Variants in GEMIN2 observed in about 807,000 individuals in gnomAD.
The protein encoded by GEMIN2 is gem-associated protein 2.
GEMIN2 carries 37 observed loss-of-function variants against 45.8 expected under a neutral mutation model. The observed-to-expected ratio is 0.81, with a 90% CI of 0.62 to 1.06. The LOEUF (loss-of-function observed/expected upper bound fraction) is 1.06. GEMIN2 is among the 50% of genes least tolerant of loss of function. GEMIN2 has a pLI of 0.00. For synonymous variants in GEMIN2, 101 were observed against 111.5 expected (o/e 0.91, Z 0.60); for missense variants, 335 against 321.8 (o/e 1.04, Z -0.31).
chr14:39,130,860 A>T (rs2052706530), intron 7 of GEMIN2, among the ~76,000 whole-genome samples: 1 of 151,626 alleles, frequency 6.6e-6, no homozygotes, highest in Non-Finnish European at 1.5e-5. Context: ...GCACCACTGC[A>T]CTCCAGCCTG....
At chr14:39,127,365 CAG>C (rs2052658093) in intron 6 of GEMIN2, among the ~76,000 whole-genome samples, 1 of 87,446 alleles carries the variant, frequency 1.1e-5, no homozygotes, top group Non-Finnish European at 2.1e-5. Context: ...TTTTTTGAGA[CAG>C]AGTCTCACTC....
chr14:39,122,835 G>A, intron 5 of GEMIN2: 1 of 232,868 alleles, frequency 4.3e-6, no homozygotes, highest in Non-Finnish European at 8.2e-6. Flanking sequence ...AAACAGCTTA[G>A]TTTCTGAAAC....
At chr14:39,130,014 C>T (rs981302868) in intron 7 of GEMIN2, among the ~76,000 whole-genome samples, 2 of 142,126 alleles carry the variant, frequency 1.4e-5, no homozygotes, top group Non-Finnish European at 3.0e-5. Flanking sequence ...CATCTCGGCT[C>T]ACTGCAACCT....
In GEMIN2 at chr14:39,128,265, TC is replaced by T; in HGVS notation, c.532-14del. On this transcript the variant is annotated splice_polypyrimidine_tract_variant and intron_variant, in intron 6 of 9. Transcript: ENST00000308317. ...ATTAATACAACTCTTCTCCACCCCC[TC>T]TTTTTTTTTTTAGGCAACAGTAACT... 4 of 1,407,356 alleles carry T rather than the reference TC, an allele frequency of 2.8e-6. No homozygotes were observed. Among genetic ancestry groups the T allele is most frequent in the Non-Finnish European group, 4.0e-6 (4 of 1,011,290 alleles). 87.2% of individuals were successfully genotyped at this position (1,407,356 alleles called of 1,614,324 possible).
At position 39,125,011 on chromosome 14, in the gene GEMIN2, T is replaced by A. The variant is rs766189096; in HGVS notation, c.506T>A (p.Leu169His). 6.8e-7 allele frequency: 1 copy of A among 1,473,036 alleles called. No homozygotes were observed. The highest frequency in any genetic ancestry group is 9.5e-7 in the Non-Finnish European group (1 of 1,053,494). The allele number at this position is 1,473,036 out of a possible 1,614,324, so 91.2% of individuals were successfully genotyped here. The change falls in exon 6 of 10, where the codon CTT (leucine) becomes CAT (histidine). Residue 169 changes from leucine (L) to histidine (H), a missense_variant. Physicochemically the swap from Leu to His is moderately conservative, Grantham distance 99. Coordinates refer to ENST00000308317, the MANE Select transcript of GEMIN2 (RefSeq NM_003616.3). Reference protein sequence around the residue: ...DYVQIGFPPLLSIVSRMNQAT... With the variant: ...DYVQIGFPPLHSIVSRMNQAT... ...TTTCAGATTGGTTTTCCTCCCTTGCTTAGTATTGTTAGCAGAATGAATCAG... is the reference window on the plus strand; with the variant it reads ...TTTCAGATTGGTTTTCCTCCCTTGCATAGTATTGTTAGCAGAATGAATCAG...
intron 8 of GEMIN2, 134 bp downstream of exon 8, chr14:39,132,202 T>C: frequency 6.3e-6 from 4 of 630,638 alleles, no homozygotes; most frequent in Non-Finnish European, 1.1e-5. Flanking sequence ...CCCAAAATAA[T>C]AGTAGCTTAA....
At chr14:39,132,662 GC>G (rs2052732177) in intron 8 of GEMIN2, among the ~76,000 whole-genome samples, 3 of 121,004 alleles carry the variant, frequency 2.5e-5, no homozygotes, top group African/African-American at 6.0e-5. Flanking sequence ...TGTAGCTTCA[GC>G]CTTTTTTTTT....
rs1435406547 is a variant in GEMIN2, at chr14:39,132,257, G to A, written c.711+189G>A. Among the ~76,000 whole-genome samples, 6 of 152,178 alleles carry A rather than the reference G, an allele frequency of 3.9e-5. No individual in the cohort carries two copies. In the South Asian group the frequency reaches 6.2e-4, roughly 16 times the overall value. ...TGAGATAAAGAAGTCTGAGCCGGGC[G>A]TGGTGGCTCACACCTATAATCCCAG... On this transcript the variant is annotated intron_variant, in intron 8 of 9. Transcript: ENST00000308317.
intron 4 of GEMIN2, among the ~76,000 whole-genome samples, chr14:39,121,198 C>G (rs1443833402): frequency 2.6e-5 from 4 of 152,120 alleles, no homozygotes; most frequent in African/African-American, 4.8e-5. Context: ...CTTTTGGACA[C>G]ACCATTGTCT....
chr14:39,134,974 GTT>G (rs1047790720), intron 9 of GEMIN2, among the ~76,000 whole-genome samples: 1 of 151,854 alleles, frequency 6.6e-6, no homozygotes, highest in Admixed American at 6.6e-5. Context: ...TTGTGTTTTT[GTT>G]TTTGTTTTTG....
chr14:39,128,800 C>T (rs1365745899), intron 7 of GEMIN2, among the ~76,000 whole-genome samples: 3 of 151,808 alleles, frequency 2.0e-5, no homozygotes, highest in Admixed American at 6.6e-5. Flanking sequence ...ACCATGTGTG[C>T]GGCCTTTTGT....
chr14:39,118,780 ATTTTT>A (rs373341724), intron 4 of GEMIN2, among the ~76,000 whole-genome samples, 181 bp downstream of exon 4: 3 of 138,732 alleles, frequency 2.2e-5, no homozygotes, highest in Non-Finnish European at 4.7e-5. Flanking sequence ...TTCATGACAA[ATTTTT>A]TTTTTTTTTT....
At chr14:39,122,409 G>GTT (rs60205535) in intron 4 of GEMIN2, 21 bp from the exon 5 acceptor site, 46,053 of 1,008,856 alleles carry the variant, frequency 0.046, 8 homozygotes, top group Non-Finnish European at 0.051. Flanking sequence ...GAATAAATCA[G>GTT]TTTTTTTTTT....
chr14:39,120,904 G>C (rs1219072745), intron 4 of GEMIN2, among the ~76,000 whole-genome samples: 3 of 152,192 alleles, frequency 2.0e-5, no homozygotes, highest in African/African-American at 4.8e-5. Flanking sequence ...CTTATCCCTA[G>C]GGGGAAAATG....
At chr14:39,118,400 A>C (rs534707102) in intron 3 of GEMIN2, 140 bp from the exon 4 acceptor site, 3 of 610,214 alleles carry the variant, frequency 4.9e-6, no homozygotes, top group Non-Finnish European at 9.0e-6. Flanking sequence ...TCTGTACCCA[A>C]TACATGGTCT....
intron 2 of GEMIN2, among the ~76,000 whole-genome samples, chr14:39,116,049 C>A (rs955778438): frequency 1.4e-5 from 2 of 147,832 alleles, no homozygotes; most frequent in Non-Finnish European, 3.0e-5. Flanking sequence ...CTTTTTCCCC[C>A]TTTTTTTTTT....
chr14:39,133,783 A>T, intron 9 of GEMIN2, 64 bp downstream of exon 9: 1 of 921,620 alleles, frequency 1.1e-6, no homozygotes. Flanking sequence ...GATCGTATTT[A>T]TTACATTTGG....
At chr14:39,118,196 G>C in intron 3 of GEMIN2, 108 bp downstream of exon 3, 1 of 512,330 alleles carries the variant, frequency 2.0e-6, no homozygotes, top group East Asian at 3.2e-5. Context: ...GAATATTCAT[G>C]AATTAATTAC....
At chr14:39,127,739 T>TAA (rs1346011388) in intron 6 of GEMIN2, among the ~76,000 whole-genome samples, 2 of 152,142 alleles carry the variant, frequency 1.3e-5, no homozygotes, top group Non-Finnish European at 2.9e-5. Context: ...ACCAAGGTGT[T>TAA]AGTTGATATT....
Sources: allele counts gnomAD v4.1 joint callset (sites outside exome capture counted in the v4.1 genomes callset), GRCh38; gene constraint gnomAD v4.1.1; transcripts MANE v1.5; gene names NCBI Gene and HGNC (gene_info 2026-07-23, HGNC 2026-07-21).